SNAP91: variants seen among roughly 807,000 people sequenced by gnomAD.
SNAP91 encodes the protein synaptosome associated protein 91.
SNAP91 carries 27 observed loss-of-function variants against 100.3 expected under a neutral mutation model. The ratio of observed to expected loss-of-function variants is 0.27; its 90% CI spans 0.20 to 0.37. The LOEUF (loss-of-function observed/expected upper bound fraction) is 0.37. Among genes scored for constraint, SNAP91 ranks in the 10% least tolerant of loss-of-function variants. The pLI is 1.00. For missense variants in SNAP91, 986 were observed against 1,123.7 expected (o/e 0.88, Z 1.75); for synonymous variants, 404 against 398.6 (o/e 1.01, Z -0.16).
At chr6:83,621,013 A>G (rs565509598) in intron 9 of SNAP91, among the ~76,000 whole-genome samples, 2 of 151,524 alleles carry the variant, frequency 1.3e-5, no homozygotes, top group African/African-American at 2.4e-5. Flanking sequence ...TGAACAGGTA[A>G]TTTAAAAATA....
intron 26 of SNAP91, among the ~76,000 whole-genome samples, chr6:83,573,834 A>G (rs1408208837): frequency 1.3e-5 from 2 of 152,200 alleles, no homozygotes; most frequent in African/African-American, 4.8e-5. Flanking sequence ...TGTTAGACCT[A>G]AAACCATAAA....
intron 22 of SNAP91, among the ~76,000 whole-genome samples, chr6:83,588,436 C>T (rs2093174151): frequency 6.6e-6 from 1 of 152,168 alleles, no homozygotes; most frequent in Non-Finnish European, 1.5e-5. Context: ...TGATTTTCTC[C>T]TCTTTTCTAC....
chr6:83,665,414 AAAAAG>A lies in SNAP91; in HGVS notation c.273+20_273+24del. The A allele has an allele frequency of 1.2e-6, 2 of 1,602,484 alleles. No individual in the cohort carries two copies. The highest frequency in any genetic ancestry group is 2.2e-5 in the East Asian group (1 of 44,668). On this transcript the variant is annotated intron_variant, in intron 3 of 29. Transcript: ENST00000369694. ...CCTAAAAGCCTCCTTCCTCCATCAAAAAAAGAAAAGTTTACTTAGTTTACCTCATT... is the reference window on the plus strand; with the variant it reads ...CCTAAAAGCCTCCTTCCTCCATCAAAAAAAGTTTACTTAGTTTACCTCATT...
intron 14 of SNAP91, among the ~76,000 whole-genome samples, chr6:83,604,551 T>C (rs1034444295): frequency 8.5e-5 from 13 of 152,152 alleles, no homozygotes; most frequent in Non-Finnish European, 1.8e-4. Flanking sequence ...GGACTTTTGA[T>C]GTTATACTGA....
intron 9 of SNAP91, among the ~76,000 whole-genome samples, chr6:83,620,482 G>C (rs2096668178): frequency 6.6e-6 from 1 of 152,106 alleles, no homozygotes; most frequent in Non-Finnish European, 1.5e-5. Flanking sequence ...ACTAACCCCA[G>C]AACAATTCAC....
chr6:83,622,165 A>G (rs1001641634), intron 9 of SNAP91, among the ~76,000 whole-genome samples: 9 of 152,080 alleles, frequency 5.9e-5, no homozygotes, highest in Admixed American at 3.9e-4. Flanking sequence ...AATATTTTAT[A>G]CCAATATTCT....
At chr6:83,576,450 T>C (rs72901591) in intron 24 of SNAP91, among the ~76,000 whole-genome samples, 2,178 of 152,336 alleles carry the variant, frequency 0.014, 20 homozygotes, top group Non-Finnish European at 0.025. Flanking sequence ...ATGGTTTATG[T>C]TGAATATCCA....
intron 7 of SNAP91, among the ~76,000 whole-genome samples, chr6:83,641,770 T>A (rs546038805): frequency 3.2e-4 from 49 of 152,230 alleles, no homozygotes; most frequent in African/African-American, 1.2e-3. Flanking sequence ...TGTGAAAAAA[T>A]TTGTTTTACT....
chr6:83,619,119 A>AG (rs1276451114), intron 9 of SNAP91, among the ~76,000 whole-genome samples: 1 of 151,992 alleles, frequency 6.6e-6, no homozygotes, highest in Non-Finnish European at 1.5e-5. Context: ...GTCACAAAAA[A>AG]AAAATCACAA....
At chr6:83,588,503 A>T (rs1035165328) in intron 22 of SNAP91, among the ~76,000 whole-genome samples, 1 of 152,214 alleles carries the variant, frequency 6.6e-6, no homozygotes, top group African/African-American at 2.4e-5. Context: ...TATTTTTTGT[A>T]AAGTGAACTA....
chr6:83,697,328 AC>A (rs1168334398), intron 2 of SNAP91, among the ~76,000 whole-genome samples: 2 of 120,542 alleles, frequency 1.7e-5, no homozygotes, highest in African/African-American at 7.4e-5. Flanking sequence ...ATAGCTGCAC[AC>A]ACACACACAC....
chr6:83,661,439 TA>T, intron 5 of SNAP91, 62 bp downstream of exon 5: 1 of 1,010,308 alleles, frequency 9.9e-7, no homozygotes, highest in Non-Finnish European at 1.5e-6. Flanking sequence ...TTAGTTAAAA[TA>T]AATCAAGTAT....
intron 8 of SNAP91, among the ~76,000 whole-genome samples, chr6:83,627,939 C>A (rs2097020577): frequency 6.6e-6 from 1 of 151,514 alleles, no homozygotes; most frequent in Non-Finnish European, 1.5e-5. Flanking sequence ...CTGTGAGATT[C>A]TGGAGCACCC....
At chr6:83,656,531 C>T (rs1436844967) in intron 7 of SNAP91, among the ~76,000 whole-genome samples, 1 of 152,102 alleles carries the variant, frequency 6.6e-6, no homozygotes, top group Non-Finnish European at 1.5e-5. Flanking sequence ...GGGTGGTTAG[C>T]AGCAATCTGT....
chr6:83,601,063 G>A (rs1158999330), intron 16 of SNAP91, among the ~76,000 whole-genome samples: 3 of 152,178 alleles, frequency 2.0e-5, no homozygotes, highest in Non-Finnish European at 2.9e-5. Flanking sequence ...TGGGCCTGAT[G>A]CATTGCAATC....
chr6:83,594,490 C>A lies in SNAP91; in HGVS notation c.1325-9G>T, dbSNP rs1416120093. The A allele has an allele frequency of 4.1e-6, 6 of 1,459,226 alleles. No homozygotes were observed. The highest frequency in any genetic ancestry group is 2.7e-5 in the South Asian group (2 of 73,566). 90.4% of individuals were successfully genotyped at this position (1,459,226 alleles called of 1,614,324 possible). ...AGAAGCTGCAAAGGCATCTTGGGTG[C>A]GGTTTTTAAAACAGCAGAAATTAAA... On this transcript the variant is annotated splice_polypyrimidine_tract_variant and intron_variant, in intron 16 of 29. Coordinates refer to ENST00000369694, the MANE Select transcript of SNAP91 (RefSeq NM_001242792.2).
intron 2 of SNAP91, among the ~76,000 whole-genome samples, chr6:83,681,671 A>T (rs1460231484): frequency 6.6e-6 from 1 of 152,176 alleles, no homozygotes; most frequent in Non-Finnish European, 1.5e-5. Context: ...AGGTAACTAA[A>T]GGGATGTATA....
At chr6:83,618,508 A>T (rs1386492984) in intron 9 of SNAP91, among the ~76,000 whole-genome samples, 1 of 151,958 alleles carries the variant, frequency 6.6e-6, no homozygotes, top group Non-Finnish European at 1.5e-5. Flanking sequence ...TCTAAGTTTA[A>T]AAAATGAATT....
At chr6:83,606,176 A>G (rs2095601546) in intron 13 of SNAP91, among the ~76,000 whole-genome samples, 1 of 152,234 alleles carries the variant, frequency 6.6e-6, no homozygotes, top group South Asian at 2.1e-4. Flanking sequence ...TCTACAGGGA[A>G]ATCAAAATCA....
Sources: gnomAD v4.1 joint callset for allele counts (sites outside exome capture counted in the v4.1 genomes callset) on GRCh38, gnomAD v4.1.1 for gene constraint, MANE v1.5 for transcripts, NCBI Gene and HGNC (gene_info 2026-07-23, HGNC 2026-07-21) for gene names.